FGF14: variants seen among roughly 807,000 people sequenced by gnomAD.
FGF14 encodes fibroblast growth factor 14, also known as fibroblast growth factor homologous factor 4.
In FGF14, 5 loss-of-function variants were observed where a neutral mutation model predicts 25.5. The ratio of observed to expected loss-of-function variants is 0.20; its 90% confidence interval spans 0.10 to 0.41. The LOEUF (loss-of-function observed/expected upper bound fraction) is 0.41, where lower values mean the gene tolerates loss of function less well. FGF14 is among the 10% of genes least tolerant of loss of function. FGF14 has a pLI of 1.00. For missense variants in FGF14, 222 were observed against 320.1 expected, an observed-to-expected ratio of 0.69 and a Z score of 2.34; for synonymous variants, 138 against 118.3, an observed-to-expected ratio of 1.17 and a Z score of -1.08.
At chr13:102,006,769 G>A (rs1260540004) in intron 1 of FGF14, among the ~76,000 whole-genome samples, 15 of 104,572 alleles carry the variant, frequency 1.4e-4, no homozygotes, top group South Asian at 3.2e-4. Flanking sequence ...ACGGAGTCTC[G>A]CTCTGTCGCC....
intron 1 of FGF14, among the ~76,000 whole-genome samples, chr13:101,960,040 T>C (rs1163839241): frequency 6.6e-6 from 1 of 152,218 alleles, no homozygotes; most frequent in African/African-American, 2.4e-5. Context: ...ATTTATTGAA[T>C]AAAATGTCAA....
chr13:101,901,641 T>C (rs950049963), intron 1 of FGF14, among the ~76,000 whole-genome samples: 1 of 151,848 alleles, frequency 6.6e-6, no homozygotes, highest in Non-Finnish European at 1.5e-5. Context: ...GAAGTGGAGG[T>C]TGCAGTGAGC....
At chr13:101,829,338 C>G (rs892352916) in intron 3 of FGF14, among the ~76,000 whole-genome samples, 1 of 152,054 alleles carries the variant, frequency 6.6e-6, no homozygotes, top group African/African-American at 2.4e-5. Flanking sequence ...TGTGTTATTA[C>G]AGGTTTCTCC....
At chr13:102,054,789 T>G (rs1442445856) in intron 1 of FGF14, among the ~76,000 whole-genome samples, 1 of 152,214 alleles carries the variant, frequency 6.6e-6, no homozygotes, top group Non-Finnish European at 1.5e-5. Context: ...AAGGTGTTAC[T>G]GCTTCCACAT....
intron 4 of FGF14, among the ~76,000 whole-genome samples, chr13:101,726,132 T>A (rs1964410): frequency 0.79 from 119,850 of 151,910 alleles, 47,534 homozygotes; most frequent in East Asian, 0.96. Flanking sequence ...TTATCTCTTA[T>A]TTTTCTGTAA....
intron 1 of FGF14, among the ~76,000 whole-genome samples, chr13:102,077,429 C>A (rs1404114466): frequency 6.6e-6 from 1 of 152,086 alleles, no homozygotes; most frequent in Non-Finnish European, 1.5e-5. Context: ...ACACAAGGAA[C>A]TCATATACCT....
At chr13:101,828,577 G>C (rs1245924456) in intron 3 of FGF14, among the ~76,000 whole-genome samples, 1 of 151,168 alleles carries the variant, frequency 6.6e-6, no homozygotes, top group African/African-American at 2.4e-5. Flanking sequence ...AGACTGAAAA[G>C]GCATCCTGTA....
At chr13:102,210,988 T>C (rs1275833195) in intron 1 of FGF14, among the ~76,000 whole-genome samples, 1 of 152,270 alleles carries the variant, frequency 6.6e-6, no homozygotes, top group Non-Finnish European at 1.5e-5. Flanking sequence ...GAAAGACCCC[T>C]GGGTTCTCTC....
chr13:102,123,353 T>A (rs2045815422), intron 1 of FGF14, among the ~76,000 whole-genome samples: 1 of 152,146 alleles, frequency 6.6e-6, no homozygotes, highest in Admixed American at 6.6e-5. Flanking sequence ...TAATCAATAA[T>A]TAAGTTAGAA....
chr13:102,270,907 T>C (rs1235683278), intron 1 of FGF14, among the ~76,000 whole-genome samples: 1 of 152,252 alleles, frequency 6.6e-6, no homozygotes, highest in African/African-American at 2.4e-5. Context: ...TTTGATTTAA[T>C]GCAAGTATCA....
intron 1 of FGF14, among the ~76,000 whole-genome samples, chr13:102,106,708 G>A (rs944340722): frequency 6.6e-6 from 1 of 152,178 alleles, no homozygotes; most frequent in Non-Finnish European, 1.5e-5. Context: ...GTAGACATTT[G>A]TGTGCAAATA....
At chr13:102,259,336 C>T (rs2052602706) in intron 1 of FGF14, among the ~76,000 whole-genome samples, 1 of 152,170 alleles carries the variant, frequency 6.6e-6, no homozygotes, top group South Asian at 2.1e-4. Context: ...CCACCCCCTG[C>T]CATCTCTCCT....
chr13:102,075,114 C>T (rs1188167651), intron 1 of FGF14, among the ~76,000 whole-genome samples: 3 of 152,106 alleles, frequency 2.0e-5, no homozygotes, highest in Non-Finnish European at 4.4e-5. Flanking sequence ...GCATCCAAGA[C>T]AGAGATGAAA....
Position 101,774,677 on chromosome 13 carries a change from G to A in FGF14, c.409-47867C>T, listed in dbSNP as rs377247229. Among the ~76,000 whole-genome samples, 131 of 152,188 alleles carry A rather than the reference G, an allele frequency of 8.6e-4. 3 individuals are homozygous for A. The South Asian group carries it at 0.027, about 31-fold the overall frequency. ...TGCATTGGATAAAGAGTGAATCTTT[G>A]AATTTCAAGGTCATATTCAGCTGAA... is the stretch of plus-strand genomic sequence containing the variant. On this transcript the variant is annotated intron_variant, in intron 3 of 4. Transcript: ENST00000376143.
intron 1 of FGF14, among the ~76,000 whole-genome samples, chr13:102,145,486 C>T (rs2046818525): frequency 6.6e-6 from 1 of 152,094 alleles, no homozygotes; most frequent in South Asian, 2.1e-4. Flanking sequence ...TTCCCTTCCT[C>T]CAGGCTTTTA....
chr13:102,161,574 A>AAGAAGAAGAAGAAGAGGAAGAGGAAGAGG (rs1555369410), intron 1 of FGF14, among the ~76,000 whole-genome samples: 1 of 5,312 alleles, frequency 1.9e-4, no homozygotes, highest in Non-Finnish European at 3.3e-4. Context: ...GTGAAGAAAG[A>AAGAAGAAGAAGAAGAGGAAGAGGAAGAGG]AAGAAGAAGA....
chr13:102,025,855 G>A (rs2040897014), intron 1 of FGF14, among the ~76,000 whole-genome samples: 2 of 151,976 alleles, frequency 1.3e-5, no homozygotes, highest in African/African-American at 4.8e-5. Flanking sequence ...CTTGTAGCCT[G>A]TAATATTGTC....
At chr13:102,196,215 T>C (rs1301079900) in intron 1 of FGF14, among the ~76,000 whole-genome samples, 2 of 152,234 alleles carry the variant, frequency 1.3e-5, no homozygotes, top group Non-Finnish European at 2.9e-5. Flanking sequence ...ATTAAGACAT[T>C]ACTGGTTCCA....
At chr13:102,069,125 A>G (rs944095041) in intron 1 of FGF14, among the ~76,000 whole-genome samples, 1 of 151,154 alleles carries the variant, frequency 6.6e-6, no homozygotes, top group East Asian at 2.0e-4. Flanking sequence ...GGCACTTTGT[A>G]TCTAGCTCAA....
Sources: gnomAD v4.1 joint callset for allele counts (sites outside exome capture counted in the v4.1 genomes callset) on GRCh38, gnomAD v4.1.1 for gene constraint, MANE v1.5 for transcripts, NCBI Gene and HGNC (gene_info 2026-07-23, HGNC 2026-07-21) for gene names.